The following GPBP1 variants were observed in gnomAD, a reference collection of about 807,000 sequenced individuals.
GPBP1 encodes the protein vasculin.
Under a neutral mutation model 56.5 loss-of-function variants are expected in GPBP1, and 13 were observed. That is an observed-to-expected ratio of 0.23 (90% CI 0.15 to 0.37). The LOEUF (loss-of-function observed/expected upper bound fraction) is 0.37, where lower values mean the gene tolerates loss of function less well. Among genes scored for constraint, GPBP1 ranks in the 10% least tolerant of loss-of-function variants. The pLI, the probability that GPBP1 is intolerant of heterozygous loss-of-function variation, is 1.00. For missense variants in GPBP1, 477 were observed against 572.3 expected, an observed-to-expected ratio of 0.83 and a Z score of 1.70; for synonymous variants, 204 against 188.9, an observed-to-expected ratio of 1.08 and a Z score of -0.66.
rs77944588 is a variant in GPBP1, at chr5:57,247,151, G to T, written c.740G>T (p.Gly247Val). Reference protein sequence around the residue: ...SFPHESTFGVGNFNAFKSTAK... With the variant: ...SFPHESTFGVVNFNAFKSTAK... Reference sequence around the variant, plus strand: ...CCTCATGAGTCCACATTTGGCGTTGGCAACTTTAATGCTTTTAAATCAACT... The same window carrying T: ...CCTCATGAGTCCACATTTGGCGTTGTCAACTTTAATGCTTTTAAATCAACT... The change falls in exon 8 of 12, where the codon GGC becomes GTC. Residue 247 changes from glycine (G) to valine (V), a missense_variant. Gly to Val is a moderately radical substitution (Grantham distance 109). Around this residue, in one of 2 missense-constraint regions of GPBP1, gnomAD observed 414 missense variants for 458.2 expected, o/e 0.90. Coordinates refer to ENST00000506184, the MANE Select transcript of GPBP1 (RefSeq NM_022913.4). The T allele has an allele frequency of 2.5e-4, 406 of 1,613,544 alleles. 1 individual carries two copies. Among genetic ancestry groups the T allele is most frequent in the Non-Finnish European group, 1.9e-4 (227 of 1,179,772 alleles).
intron 3 of GPBP1, among the ~76,000 whole-genome samples, chr5:57,217,493 C>T (rs1175655291): frequency 1.3e-5 from 2 of 149,356 alleles, no homozygotes; most frequent in Non-Finnish European, 3.0e-5. Flanking sequence ...ATCGCTTTAA[C>T]CGGGAGGGTG....
Position 57,246,472 on chromosome 5 carries a change from T to C in GPBP1, c.651T>C (p.Ala217=). The C allele has an allele frequency of 6.3e-7, 1 of 1,595,904 alleles. No homozygotes were observed. Reference sequence around the variant, plus strand: ...AAGGTTTAGTCCCTAAACCTGCTGCTCCACCTACAAAAGTAAGTTCTAAAT... The same window carrying C: ...AAGGTTTAGTCCCTAAACCTGCTGCCCCACCTACAAAAGTAAGTTCTAAAT... ...VYKGLVPKPA[A]PPTKPTQWKS... Residue 217 remains alanine (A), a synonymous_variant, in exon 7 of 12, where the codon GCT becomes GCC. Coordinates refer to ENST00000506184, the MANE Select transcript of GPBP1 (RefSeq NM_022913.4).
At chr5:57,246,587 G>A (rs1220964347) in intron 7 of GPBP1, 103 bp downstream of exon 7, 4 of 889,384 alleles carry the variant, frequency 4.5e-6, no homozygotes, top group Non-Finnish European at 5.0e-6. Context: ...GAGGTACTTC[G>A]TGGGGTGCTG....
chr5:57,188,159 G>A (rs769466352), intron 2 of GPBP1, among the ~76,000 whole-genome samples: 1 of 151,400 alleles, frequency 6.6e-6, no homozygotes, highest in East Asian at 1.9e-4. Context: ...CAAGAGAATC[G>A]CTTGATCTCA....
chr5:57,253,145 G>A (rs1166255616), intron 10 of GPBP1, among the ~76,000 whole-genome samples: 1 of 152,088 alleles, frequency 6.6e-6, no homozygotes, highest in Non-Finnish European at 1.5e-5. Flanking sequence ...TTTTTTTGTA[G>A]TTAAAAGCAG....
At chr5:57,233,520 C>G (rs1580053607) in intron 5 of GPBP1, among the ~76,000 whole-genome samples, 1 of 152,148 alleles carries the variant, frequency 6.6e-6, no homozygotes, top group Non-Finnish European at 1.5e-5. Context: ...GCTGACCAAA[C>G]TCTTGATTAT....
chr5:57,261,753 C>T (rs1476519087), intron 11 of GPBP1, among the ~76,000 whole-genome samples: 2 of 152,018 alleles, frequency 1.3e-5, no homozygotes, highest in African/African-American at 2.4e-5. Flanking sequence ...CATCTTTTAT[C>T]CTTTTCTTGC....
intron 2 of GPBP1, among the ~76,000 whole-genome samples, chr5:57,181,869 G>C (rs1048231407): frequency 2.6e-5 from 4 of 152,146 alleles, no homozygotes; most frequent in Non-Finnish European, 5.9e-5. Flanking sequence ...GGTTGTGACT[G>C]TTTTTCAGTT....
chr5:57,228,066 G>A (rs1376201271), intron 3 of GPBP1, among the ~76,000 whole-genome samples: 6 of 152,054 alleles, frequency 3.9e-5, no homozygotes. Flanking sequence ...AAGACTTAAG[G>A]CTTTAAAAAA....
chr5:57,207,589 T>A (rs150478161), intron 2 of GPBP1, among the ~76,000 whole-genome samples: 71 of 152,314 alleles, frequency 4.7e-4, no homozygotes, highest in African/African-American at 1.7e-3. Flanking sequence ...TTAGCTCAGT[T>A]AGATGCCCTG....
intron 2 of GPBP1, among the ~76,000 whole-genome samples, chr5:57,180,525 T>TAAC (rs1218877064): frequency 6.6e-6 from 1 of 152,134 alleles, no homozygotes; most frequent in Admixed American, 6.6e-5. Flanking sequence ...AATGTTTAGG[T>TAAC]AACGTTTAGA....
At chr5:57,241,583 A>T (rs1478392011) in intron 6 of GPBP1, among the ~76,000 whole-genome samples, 1 of 152,172 alleles carries the variant, frequency 6.6e-6, no homozygotes, top group East Asian at 1.9e-4. Context: ...TAAAAAGGTC[A>T]GTTATTGTCA....
chr5:57,185,097 A>C (rs1199102475), intron 2 of GPBP1, among the ~76,000 whole-genome samples: 1 of 152,162 alleles, frequency 6.6e-6, no homozygotes, highest in Non-Finnish European at 1.5e-5. Flanking sequence ...ACACTTGTGC[A>C]TAGGACTTGG....
chr5:57,194,476 A>G (rs2111655958), intron 2 of GPBP1, among the ~76,000 whole-genome samples: 1 of 152,334 alleles, frequency 6.6e-6, no homozygotes, highest in Non-Finnish European at 1.5e-5. Flanking sequence ...TGTAATGATC[A>G]AATCAGGGTA....
intron 2 of GPBP1, among the ~76,000 whole-genome samples, chr5:57,179,979 G>A (rs1753969339): frequency 1.3e-5 from 2 of 151,994 alleles, no homozygotes; most frequent in South Asian, 4.1e-4. Flanking sequence ...AGGAAGGGAG[G>A]AGTAATGGGG....
chr5:57,205,170 T>G (rs1206351960), intron 2 of GPBP1, among the ~76,000 whole-genome samples: 1 of 152,234 alleles, frequency 6.6e-6, no homozygotes, highest in African/African-American at 2.4e-5. Context: ...AATTTACCTC[T>G]TATGAATACC....
chr5:57,246,270 G>C, intron 6 of GPBP1, 30 bp from the exon 7 acceptor site: 1 of 1,544,740 alleles, frequency 6.5e-7, no homozygotes, highest in Non-Finnish European at 8.8e-7. Flanking sequence ...GAAATTGTGA[G>C]TGACTCTTGG....
At chr5:57,205,811 T>TTG (rs1755208861) in intron 2 of GPBP1, among the ~76,000 whole-genome samples, 1 of 152,216 alleles carries the variant, frequency 6.6e-6, no homozygotes. Flanking sequence ...CTACTCAGGC[T>TTG]ATAGTGCACT....
intron 2 of GPBP1, among the ~76,000 whole-genome samples, chr5:57,200,021 C>CTTTTTTT: frequency 1.7e-5 from 1 of 58,888 alleles, no homozygotes; most frequent in Non-Finnish European, 2.8e-5. Flanking sequence ...ACTTGAAAAT[C>CTTTTTTT]TTTTTTTTTT....
Sources: gnomAD v4.1 joint callset for allele counts (sites outside exome capture counted in the v4.1 genomes callset) on GRCh38, gnomAD v4.1.1 for gene constraint, gnomAD v4.1.1 regional missense constraint, MANE v1.5 for transcripts, NCBI Gene and HGNC (gene_info 2026-07-23, HGNC 2026-07-21) for gene names.